The following PLEKHG1 variants were observed in gnomAD, a reference collection of about 807,000 sequenced individuals.
The protein encoded by PLEKHG1 is pleckstrin homology domain-containing family G member 1.
Under a neutral mutation model 100.8 loss-of-function variants are expected in PLEKHG1, and 44 were observed. The ratio of observed to expected loss-of-function variants is 0.44; its 90% CI spans 0.34 to 0.56. PLEKHG1 has a LOEUF of 0.56. Ranked by LOEUF, PLEKHG1 falls within the 20% of genes least tolerant of loss-of-function variation. The pLI is 0.01. For missense variants in PLEKHG1, 1,545 were observed against 1,720.9 expected (o/e 0.90, Z 1.81); for synonymous variants, 640 against 662.5 (o/e 0.97, Z 0.52).
intron 3 of PLEKHG1, among the ~76,000 whole-genome samples, chr6:150,666,890 A>G (rs946467274): frequency 6.6e-6 from 1 of 151,800 alleles, no homozygotes; most frequent in African/African-American, 2.4e-5. Context: ...CCTCCCAAGT[A>G]GCTGGGACTA....
intron 2 of PLEKHG1, among the ~76,000 whole-genome samples, chr6:150,638,674 A>C (rs930015191): frequency 2.6e-5 from 4 of 152,214 alleles, no homozygotes; most frequent in African/African-American, 9.6e-5. Context: ...ATTGCTGTTC[A>C]GTGGTGGGGA....
chr6:150,772,774 T>C (rs1182713344), intron 3 of PLEKHG1, among the ~76,000 whole-genome samples: 1 of 152,258 alleles, frequency 6.6e-6, no homozygotes, highest in Non-Finnish European at 1.5e-5. Flanking sequence ...TCTCTGTATT[T>C]TGCCAATTGC....
intron 3 of PLEKHG1, among the ~76,000 whole-genome samples, chr6:150,669,782 G>A (rs1335743076): frequency 6.6e-6 from 1 of 151,908 alleles, no homozygotes; most frequent in Non-Finnish European, 1.5e-5. Flanking sequence ...ATTTTTAGTA[G>A]AGACAGGGTT....
chr6:150,777,110 TC>T (rs1785018004), intron 3 of PLEKHG1, among the ~76,000 whole-genome samples: 1 of 139,334 alleles, frequency 7.2e-6, no homozygotes, highest in African/African-American at 2.7e-5. Context: ...TGCACATCAG[TC>T]ACACTGATGC....
rs1778931575 is a variant in PLEKHG1, at chr6:150,655,588, G to A, written c.-99+4802G>A. Among the ~76,000 whole-genome samples the A allele has an allele frequency of 2.6e-5, 4 of 151,452 alleles. No individual in the cohort carries two copies. The South Asian group carries it at 8.3e-4, about 32-fold the overall frequency. ...CTGGCCATGGTGGCGGGCGCCTGTA[G>A]TCTCAGCTACTCGGGAGGCTGAGGC... On this transcript the variant is annotated intron_variant, in intron 3 of 3. Coordinates refer to the PLEKHG1 transcript ENST00000367326.
chr6:150,832,218 T>C lies in PLEKHG1; in HGVS notation c.3094+13T>C, dbSNP rs369015557. The C allele has an allele frequency of 7.8e-6, 12 of 1,548,282 alleles. No homozygotes were observed. Among genetic ancestry groups the C allele is most frequent in the Non-Finnish European group, 9.5e-6 (11 of 1,153,938 alleles). The stretch of plus-strand genomic sequence containing the variant: ...GGGCCCGCCATTGGTATGTGCACCC[T>C]GCCCTTCTTCCTTCTCCAAAGTAAG... On this transcript the variant is annotated intron_variant, in intron 15 of 15. Coordinates refer to ENST00000358517, the Ensembl canonical transcript of PLEKHG1.
At chr6:150,609,588 A>G (rs1281015833) in intron 1 of PLEKHG1, among the ~76,000 whole-genome samples, 1 of 152,154 alleles carries the variant, frequency 6.6e-6, no homozygotes, top group Non-Finnish European at 1.5e-5. Context: ...TTATAACATC[A>G]AAGACCTTTG....
At chr6:150,744,445 A>G (rs1012484544) in intron 2 of PLEKHG1, among the ~76,000 whole-genome samples, 8 of 152,200 alleles carry the variant, frequency 5.3e-5, no homozygotes, top group Non-Finnish European at 1.2e-4. Context: ...CACCAGAAGA[A>G]AAAGTAGGCA....
At chr6:150,837,159 C>T (rs1777269273) in intron 15 of PLEKHG1, among the ~76,000 whole-genome samples, 1 of 152,076 alleles carries the variant, frequency 6.6e-6, no homozygotes. Context: ...GAGACTTTGT[C>T]TCAAAAAAAC....
intron 3 of PLEKHG1, among the ~76,000 whole-genome samples, chr6:150,783,514 TGTGTGCCACCACACCCA>T (rs1422748100): frequency 6.6e-6 from 1 of 152,044 alleles, no homozygotes; most frequent in African/African-American, 2.4e-5. Context: ...GGACTGCAGG[TGTGTGCCACCACACCCA>T]GCTAATTTTT....
chr6:150,616,829 T>A (rs1179552525), intron 1 of PLEKHG1, among the ~76,000 whole-genome samples: 1 of 152,214 alleles, frequency 6.6e-6, no homozygotes, highest in Non-Finnish European at 1.5e-5. Context: ...CACAAAGAGG[T>A]GTACTAATCA....
intron 3 of PLEKHG1, among the ~76,000 whole-genome samples, chr6:150,665,092 G>A (rs1450972013): frequency 2.0e-5 from 3 of 152,110 alleles, no homozygotes; most frequent in Non-Finnish European, 4.4e-5. Flanking sequence ...GACCAATATA[G>A]GTGATCTGGG....
chr6:150,841,493 TA>T (rs1777530307), exon 16 of PLEKHG1: 1 of 157,816 alleles, frequency 6.3e-6, no homozygotes, highest in Non-Finnish European at 1.4e-5. Context: ...TGTTGAAAAT[TA>T]AAATGTAGCG....
chr6:150,797,330 TC>T (rs1786402470), intron 5 of PLEKHG1, among the ~76,000 whole-genome samples: 1 of 152,066 alleles, frequency 6.6e-6, no homozygotes, highest in African/African-American at 2.4e-5. Flanking sequence ...GGTCCCCTGT[TC>T]CCCACTGTCA....
chr6:150,719,798 T>C (rs1330263810), upstream of PLEKHG1, among the ~76,000 whole-genome samples: 1 of 152,204 alleles, frequency 6.6e-6, no homozygotes, highest in East Asian at 1.9e-4. Flanking sequence ...CCTCTCAAAC[T>C]GCCTTCTCAG....
At chr6:150,616,868 A>G (rs936802532) in intron 1 of PLEKHG1, among the ~76,000 whole-genome samples, 5 of 150,054 alleles carry the variant, frequency 3.3e-5, no homozygotes, top group Non-Finnish European at 5.9e-5. Context: ...TGAATTTGTT[A>G]AAGAAATGAT....
chr6:150,758,583 C>T (rs1028252041), intron 2 of PLEKHG1, among the ~76,000 whole-genome samples: 9 of 152,208 alleles, frequency 5.9e-5, no homozygotes, highest in African/African-American at 1.4e-4. Flanking sequence ...GATCTGCCTG[C>T]CTTGGCCTCC....
intron 3 of PLEKHG1, among the ~76,000 whole-genome samples, chr6:150,654,201 C>G (rs928180776): frequency 1.3e-5 from 2 of 152,198 alleles, no homozygotes; most frequent in Non-Finnish European, 2.9e-5. Flanking sequence ...CGTCCAGGCA[C>G]CGGGTGCTGA....
At chr6:150,744,171 T>C (rs1251024438) in intron 2 of PLEKHG1, among the ~76,000 whole-genome samples, 1 of 152,050 alleles carries the variant, frequency 6.6e-6, no homozygotes, top group African/African-American at 2.4e-5. Context: ...GCCTCCCGGG[T>C]TCAAGTGATT....
Sources: allele counts gnomAD v4.1 joint callset (sites outside exome capture counted in the v4.1 genomes callset), GRCh38; gene constraint gnomAD v4.1.1; transcripts MANE v1.5; gene names NCBI Gene and HGNC (gene_info 2026-07-23, HGNC 2026-07-21).